Variants in CELF4 observed in about 807,000 individuals in gnomAD.
CELF4 encodes CUGBP Elav-like family member 4.
A neutral mutation model predicts 59.9 loss-of-function variants in CELF4; 18 were observed. That is an observed-to-expected ratio of 0.30 (90% confidence interval 0.21 to 0.45). The LOEUF (loss-of-function observed/expected upper bound fraction) is 0.45. CELF4 is among the 20% of genes least tolerant of loss of function. The pLI, the probability that CELF4 is intolerant of heterozygous loss-of-function variation, is 1.00. For missense variants in CELF4, 456 were observed against 689.0 expected (o/e 0.66, Z 3.79); for synonymous variants, 261 against 267.1 (o/e 0.98, Z 0.22).
At chr18:37,475,793 C>T (rs11874426) in intron 2 of CELF4, among the ~76,000 whole-genome samples, 41,823 of 152,104 alleles carry the variant, frequency 0.27, 5,862 homozygotes, top group Middle Eastern at 0.36. Flanking sequence ...CCTGTTCTCA[C>T]TCCCAATTCC....
intron 2 of CELF4, among the ~76,000 whole-genome samples, chr18:37,389,281 C>A (rs889423109): frequency 1.3e-5 from 2 of 152,180 alleles, no homozygotes; most frequent in African/African-American, 4.8e-5. Context: ...CAGCCCTTCC[C>A]TGGGCCTCCC....
intron 2 of CELF4, among the ~76,000 whole-genome samples, chr18:37,348,568 G>A (rs543329727): frequency 1.3e-5 from 2 of 152,238 alleles, no homozygotes; most frequent in East Asian, 1.9e-4. Flanking sequence ...GGAGAGCAAG[G>A]GACAGGACCA....
At chr18:37,480,708 G>C (rs2099864307) in intron 2 of CELF4, among the ~76,000 whole-genome samples, 1 of 152,126 alleles carries the variant, frequency 6.6e-6, no homozygotes, top group African/African-American at 2.4e-5. Flanking sequence ...GTTGAGGTGG[G>C]GTGGGCCAAA....
chr18:37,469,894 T>G (rs2099817054), intron 2 of CELF4, among the ~76,000 whole-genome samples: 1 of 152,250 alleles, frequency 6.6e-6, no homozygotes, highest in Non-Finnish European at 1.5e-5. Context: ...CCATGGGGTC[T>G]GAGAGTACTA....
At chr18:37,348,819 G>C (rs2098364441) in intron 2 of CELF4, among the ~76,000 whole-genome samples, 1 of 152,132 alleles carries the variant, frequency 6.6e-6, no homozygotes, top group African/African-American at 2.4e-5. Flanking sequence ...GCAAGGCCCA[G>C]CCCATCCTCT....
chr18:37,452,474 G>A (rs2154601734), intron 2 of CELF4, among the ~76,000 whole-genome samples: 1 of 152,180 alleles, frequency 6.6e-6, no homozygotes, highest in Admixed American at 6.5e-5. Flanking sequence ...TCTTTCCCTG[G>A]GCTGTCAGAC....
At chr18:37,560,248 A>G (rs2099986135) in intron 1 of CELF4, among the ~76,000 whole-genome samples, 1 of 152,256 alleles carries the variant, frequency 6.6e-6, no homozygotes, top group Non-Finnish European at 1.5e-5. Flanking sequence ...GAAAACATAT[A>G]CGTGCATATG....
intron 8 of CELF4, among the ~76,000 whole-genome samples, chr18:37,269,902 C>A (rs2090292377): frequency 6.6e-6 from 1 of 152,200 alleles, no homozygotes; most frequent in Non-Finnish European, 1.5e-5. Context: ...CTTGGGCCCC[C>A]CTTTCACAGC....
At chr18:37,318,821 G>A (rs868464237) in intron 3 of CELF4, among the ~76,000 whole-genome samples, 3 of 152,100 alleles carry the variant, frequency 2.0e-5, no homozygotes, top group Non-Finnish European at 4.4e-5. Context: ...GGCCTTGCTG[G>A]GCAGAGGGGA....
intron 1 of CELF4, among the ~76,000 whole-genome samples, chr18:37,549,697 T>C (rs2099982549): frequency 6.6e-6 from 1 of 152,252 alleles, no homozygotes; most frequent in African/African-American, 2.4e-5. Flanking sequence ...ATTAAAATGC[T>C]ATATAAATAG....
chr18:37,399,690 C>A (rs886752050), intron 2 of CELF4, among the ~76,000 whole-genome samples: 76 of 152,328 alleles, frequency 5.0e-4, no homozygotes, highest in African/African-American at 1.8e-3. Flanking sequence ...ACCTGTAGTA[C>A]AGGACCTTGC....
intron 2 of CELF4, among the ~76,000 whole-genome samples, chr18:37,419,701 G>A (rs924558299): frequency 2.6e-5 from 4 of 152,186 alleles, no homozygotes; most frequent in African/African-American, 9.6e-5. Flanking sequence ...AACCCTCAGG[G>A]ACGCCCTCCG....
In CELF4 at chr18:37,527,505, T is replaced by C. The variant is rs571363819; in HGVS notation, c.286+37851A>G. Among the ~76,000 whole-genome samples the C allele has an allele frequency of 2.6e-5, 4 of 152,246 alleles. No individual in the cohort carries two copies. In the East Asian group the frequency reaches 7.7e-4, roughly 29 times the overall value. ...CCCCCTCCAGAATAGTAAACTGAAC[T>C]GATGTTTCCACAAAGAACTCTACTT... On this transcript the variant is annotated intron_variant, in intron 1 of 12. Coordinates refer to ENST00000420428, the MANE Select transcript of CELF4 (RefSeq NM_020180.4).
At chr18:37,391,995 G>A (rs1376368421) in intron 2 of CELF4, among the ~76,000 whole-genome samples, 1 of 152,216 alleles carries the variant, frequency 6.6e-6, no homozygotes, top group Middle Eastern at 3.2e-3. Flanking sequence ...GCAAGGCTGA[G>A]AACCAGAGGG....
intron 1 of CELF4, among the ~76,000 whole-genome samples, chr18:37,491,742 G>A (rs1280734173): frequency 1.3e-5 from 2 of 152,180 alleles, no homozygotes; most frequent in East Asian, 1.9e-4. Flanking sequence ...TAGGGTGCAC[G>A]CAGGGGTGGC....
chr18:37,343,930 G>C (rs1280081027), intron 2 of CELF4, among the ~76,000 whole-genome samples: 4 of 151,916 alleles, frequency 2.6e-5, no homozygotes, highest in Non-Finnish European at 5.9e-5. Flanking sequence ...CTTCACCCTG[G>C]CTGTTCCCTT....
intron 2 of CELF4, among the ~76,000 whole-genome samples, chr18:37,451,543 A>ATGTG (rs1043165575): frequency 1.3e-5 from 2 of 151,812 alleles, no homozygotes; most frequent in African/African-American, 4.8e-5. Flanking sequence ...GTGTGTATGT[A>ATGTG]TGTGTGTGTG....
At chr18:37,538,620 G>C (rs180872997) in intron 1 of CELF4, among the ~76,000 whole-genome samples, 1 of 152,180 alleles carries the variant, frequency 6.6e-6, no homozygotes, top group African/African-American at 2.4e-5. Context: ...ATTCCCTCAG[G>C]TGCCTCCTCT....
chr18:37,302,814 G>T (rs2096148487), intron 3 of CELF4, among the ~76,000 whole-genome samples: 1 of 152,202 alleles, frequency 6.6e-6, no homozygotes, highest in Non-Finnish European at 1.5e-5. Flanking sequence ...GAGCAGGCAG[G>T]CTGGCTGGTT....
Sources: allele counts gnomAD v4.1 joint callset (sites outside exome capture counted in the v4.1 genomes callset), GRCh38; gene constraint gnomAD v4.1.1; transcripts MANE v1.5; gene names NCBI Gene and HGNC (gene_info 2026-07-23, HGNC 2026-07-21).